The following CLASP1 variants were observed in gnomAD, a reference collection of about 807,000 sequenced individuals.
The protein encoded by CLASP1 is cytoplasmic linker associated protein 1, also known as CLIP-associating protein 1.
Under a neutral mutation model 192.3 loss-of-function variants are expected in CLASP1, and 38 were observed. The ratio of observed to expected loss-of-function variants is 0.20; its 90% CI spans 0.15 to 0.26. The LOEUF is 0.26. Among genes scored for constraint, CLASP1 ranks in the 10% least tolerant of loss-of-function variants. The pLI is 1.00. For synonymous variants in CLASP1, 691 were observed against 712.8 expected (o/e 0.97, Z 0.49); for missense variants, 1,433 against 1,932.5 (o/e 0.74, Z 4.85).
intron 1 of CLASP1, among the ~76,000 whole-genome samples, chr2:121,648,425 C>T (rs905185953): frequency 6.6e-6 from 1 of 152,106 alleles, no homozygotes; most frequent in Non-Finnish European, 1.5e-5. Flanking sequence ...ATTTAATGAA[C>T]GCACCCCACT....
chr2:121,385,486 A>C (rs1390480279), intron 32 of CLASP1, among the ~76,000 whole-genome samples: 2 of 152,252 alleles, frequency 1.3e-5, no homozygotes. Flanking sequence ...AAGAAGGAAT[A>C]ATGACCTTGA....
intron 2 of CLASP1, among the ~76,000 whole-genome samples, chr2:121,538,997 C>A (rs1183343431): frequency 6.6e-6 from 1 of 151,920 alleles, no homozygotes; most frequent in Non-Finnish European, 1.5e-5. Flanking sequence ...AGCTATGTAA[C>A]AATTTTTAAA....
chr2:121,447,527 A>C lies in CLASP1; in HGVS notation c.1742-20T>G, dbSNP rs202158399. 1 of 1,540,158 alleles carries C rather than the reference A, an allele frequency of 6.5e-7. No individual in the cohort carries two copies. The highest frequency in any genetic ancestry group is 8.8e-7 in the Non-Finnish European group (1 of 1,138,048). ...TAGAAGCTTTAGTGATAAAGGAGGAAATATGAATAAGGACTACATAGAATT... is the reference window on the plus strand; with the variant it reads ...TAGAAGCTTTAGTGATAAAGGAGGACATATGAATAAGGACTACATAGAATT... On this transcript the variant is annotated intron_variant, in intron 18 of 39. Coordinates refer to ENST00000263710, the Ensembl canonical transcript of CLASP1.
At position 121,353,208 on chromosome 2, in the gene CLASP1, C is replaced by A. The variant is rs551540614; in HGVS notation, c.4207-4490G>T. On this transcript the variant is annotated intron_variant, in intron 37 of 39. Transcript: ENST00000263710. Reference sequence around the variant, plus strand: ...GCTAGGTGTTGGTGGAGGAATGACACCAGAGTGGAGCTCAGCAGCAGAGGC... The same window carrying A: ...GCTAGGTGTTGGTGGAGGAATGACAACAGAGTGGAGCTCAGCAGCAGAGGC... Among the ~76,000 whole-genome samples the A allele has an allele frequency of 7.2e-5, 11 of 152,204 alleles. No individual in the cohort carries two copies. In the East Asian group the frequency reaches 1.9e-3, roughly 27 times the overall value.
At chr2:121,342,736 A>C (rs2062939969) in intron 39 of CLASP1, among the ~76,000 whole-genome samples, 1 of 152,144 alleles carries the variant, frequency 6.6e-6, no homozygotes, top group Non-Finnish European at 1.5e-5. Context: ...AAACCAGTTC[A>C]AGACCAGACT....
intron 2 of CLASP1, among the ~76,000 whole-genome samples, chr2:121,598,861 A>T (rs571458643): frequency 6.6e-6 from 1 of 152,044 alleles, no homozygotes; most frequent in Non-Finnish European, 1.5e-5. Context: ...TTTTATTTTT[A>T]TTTATTTATT....
intron 2 of CLASP1, chr2:121,531,145 C>G (rs74982512): frequency 1.6e-6 from 1 of 613,454 alleles, no homozygotes; most frequent in Admixed American, 2.5e-5. Flanking sequence ...TCAGTTTTTG[C>G]GGTGATTAAA....
intron 1 of CLASP1, among the ~76,000 whole-genome samples, chr2:121,640,155 A>G (rs35685356): frequency 0.23 from 34,772 of 151,096 alleles, 5,976 homozygotes; most frequent in African/African-American, 0.48. Context: ...TCACTCACAG[A>G]TAGGAACTGA....
At chr2:121,610,429 G>A (rs983257828) in intron 1 of CLASP1, among the ~76,000 whole-genome samples, 4 of 150,892 alleles carry the variant, frequency 2.7e-5, no homozygotes, top group Non-Finnish European at 5.9e-5. Context: ...ACTAGAGGAG[G>A]AGGAGGAGTT....
intron 34 of CLASP1, among the ~76,000 whole-genome samples, chr2:121,368,865 T>C (rs1319482688): frequency 6.6e-6 from 1 of 152,216 alleles, no homozygotes; most frequent in African/African-American, 2.4e-5. Flanking sequence ...TAACATACCA[T>C]TTTTGATCAT....
intron 32 of CLASP1, among the ~76,000 whole-genome samples, chr2:121,385,708 GA>G (rs1157136376): frequency 6.6e-6 from 1 of 152,186 alleles, no homozygotes; most frequent in Admixed American, 6.5e-5. Flanking sequence ...TATTATGGAA[GA>G]AAAGACTTCC....
At chr2:121,445,226 T>A (rs140311142) in intron 19 of CLASP1, among the ~76,000 whole-genome samples, 21 of 152,260 alleles carry the variant, frequency 1.4e-4, no homozygotes, top group African/African-American at 4.3e-4. Flanking sequence ...GTGCCACAGT[T>A]GAAAGAAAGA....
At chr2:121,435,511 T>C (rs1394014703) in intron 19 of CLASP1, among the ~76,000 whole-genome samples, 1 of 152,170 alleles carries the variant, frequency 6.6e-6, no homozygotes, top group African/African-American at 2.4e-5. Context: ...CAACCTCAGG[T>C]GATCTGCCCG....
chr2:121,608,190 G>C (rs1465847353), intron 1 of CLASP1, among the ~76,000 whole-genome samples: 1 of 152,066 alleles, frequency 6.6e-6, no homozygotes, highest in East Asian at 1.9e-4. Context: ...TCTTATGTTG[G>C]ACTAAAGAAG....
At chr2:121,448,346 T>C in intron 17 of CLASP1, 21 bp from the exon 18 acceptor site, 1 of 1,551,362 alleles carries the variant, frequency 6.4e-7, no homozygotes. Flanking sequence ...AGATGTATAT[T>C]ATTTATTACA....
intron 8 of CLASP1, among the ~76,000 whole-genome samples, chr2:121,491,771 TAC>T (rs1224992097): frequency 6.6e-6 from 1 of 152,236 alleles, no homozygotes; most frequent in East Asian, 1.9e-4. Context: ...AGTATTCTAT[TAC>T]AGACAGGAAG....
At chr2:121,421,022 GC>G (rs1161141668) in intron 22 of CLASP1, among the ~76,000 whole-genome samples, 1 of 152,108 alleles carries the variant, frequency 6.6e-6, no homozygotes, top group Non-Finnish European at 1.5e-5. Flanking sequence ...TTAACATATG[GC>G]TAGTAGCAGT....
chr2:121,620,861 T>C (rs531167481), intron 1 of CLASP1, among the ~76,000 whole-genome samples: 1 of 152,254 alleles, frequency 6.6e-6, no homozygotes, highest in East Asian at 1.9e-4. Context: ...GATGGTGCCA[T>C]TTGAAAAAAA....
intron 8 of CLASP1, among the ~76,000 whole-genome samples, chr2:121,473,106 C>CA (rs1206977841): frequency 6.6e-6 from 1 of 151,698 alleles, no homozygotes; most frequent in African/African-American, 2.4e-5. Flanking sequence ...CTAAACATGA[C>CA]AAGAGGGAAG....
Sources: allele counts gnomAD v4.1 joint callset (sites outside exome capture counted in the v4.1 genomes callset), GRCh38; gene constraint gnomAD v4.1.1; transcripts MANE v1.5; gene names NCBI Gene and HGNC (gene_info 2026-07-23, HGNC 2026-07-21).